CCNY: variants seen among roughly 807,000 people sequenced by gnomAD.
CCNY encodes the protein cyclin Y, also known as cyclin-Y.
CCNY carries 19 observed loss-of-function variants against 42.8 expected under a neutral mutation model. That is an observed-to-expected ratio of 0.44 (90% CI 0.31 to 0.65). The LOEUF (loss-of-function observed/expected upper bound fraction) is 0.65, where lower values mean the gene tolerates loss of function less well. CCNY is among the 30% of genes least tolerant of loss of function. The pLI is 0.07. For missense variants in CCNY, 370 were observed against 437.3 expected (o/e 0.85, Z 1.37); for synonymous variants, 165 against 162.7 (o/e 1.01, Z -0.11).
At chr10:35,337,249 A>G (rs781429027) in intron 1 of CCNY, 42 bp downstream of exon 1, 13 of 1,447,740 alleles carry the variant, frequency 9.0e-6, no homozygotes, top group East Asian at 8.7e-5. Context: ...CCCCGCGGCA[A>G]CAGTCGCACA....
chr10:35,435,245 A>G (rs1838503572), intron 1 of CCNY, among the ~76,000 whole-genome samples: 1 of 152,256 alleles, frequency 6.6e-6, no homozygotes, highest in Non-Finnish European at 1.5e-5. Context: ...CAGTAGCTAC[A>G]GGGTAAGACA....
chr10:35,299,163 C>T (rs550837388), intron 3 of CCNY, among the ~76,000 whole-genome samples: 1 of 152,178 alleles, frequency 6.6e-6, no homozygotes, highest in Non-Finnish European at 1.5e-5. Context: ...TTCAATCCTG[C>T]TGGATTTATT....
At chr10:35,528,547 C>A (rs373293755) in intron 5 of CCNY, among the ~76,000 whole-genome samples, 2 of 152,078 alleles carry the variant, frequency 1.3e-5, no homozygotes, top group Non-Finnish European at 2.9e-5. Flanking sequence ...ACTAAAAATA[C>A]AAAAATCAGC....
At chr10:35,378,843 A>T (rs1837112589) in intron 1 of CCNY, among the ~76,000 whole-genome samples, 1 of 152,088 alleles carries the variant, frequency 6.6e-6, no homozygotes, top group African/African-American at 2.4e-5. Flanking sequence ...CTGGTTAGTT[A>T]GGGGTGGAAT....
intron 1 of CCNY, chr10:35,434,090 T>A (rs948970672): frequency 2.1e-4 from 32 of 152,210 alleles, no homozygotes; most frequent in African/African-American, 7.5e-4. Flanking sequence ...GAAAATAATC[T>A]TCTATTAATT....
In CCNY at chr10:35,471,743, G is replaced by A. The variant is rs371852742; in HGVS notation, c.155-11661G>A. 6.6e-5 allele frequency among the ~76,000 whole-genome samples: 10 copies of A among 152,294 alleles called. No individual in the cohort carries two copies. In the East Asian group the frequency reaches 1.5e-3, roughly 23 times the overall value. On this transcript the variant is annotated intron_variant, in intron 1 of 9. Coordinates refer to ENST00000374704, the MANE Select transcript of CCNY (RefSeq NM_145012.6). Reference sequence around the variant, plus strand: ...ACCATTCTTTGAATATTTTAATTCAGCTGTGTGTCTTAATAGGTATCAACA... The same window carrying A: ...ACCATTCTTTGAATATTTTAATTCAACTGTGTGTCTTAATAGGTATCAACA...
intron 1 of CCNY, among the ~76,000 whole-genome samples, chr10:35,337,951 G>T (rs1466325123): frequency 6.6e-6 from 1 of 152,156 alleles, no homozygotes; most frequent in Non-Finnish European, 1.5e-5. Context: ...ATTACTGCAC[G>T]CAGTAATGTT....
chr10:35,536,569 G>A (rs1840891140), intron 7 of CCNY, among the ~76,000 whole-genome samples: 1 of 152,174 alleles, frequency 6.6e-6, no homozygotes, highest in African/African-American at 2.4e-5. Flanking sequence ...AGTGGTGATA[G>A]CGATATGGAC....
At chr10:35,522,571 T>C (rs566641934) in intron 4 of CCNY, among the ~76,000 whole-genome samples, 1 of 152,202 alleles carries the variant, frequency 6.6e-6, no homozygotes, top group African/African-American at 2.4e-5. Context: ...ATAGATTGTA[T>C]AGATACACGT....
intron 1 of CCNY, among the ~76,000 whole-genome samples, chr10:35,459,355 A>G (rs1480600534): frequency 1.3e-5 from 2 of 152,136 alleles, no homozygotes; most frequent in Non-Finnish European, 2.9e-5. Context: ...GCCCAACACA[A>G]ATTTGTAAAC....
intron 3 of CCNY, among the ~76,000 whole-genome samples, chr10:35,278,677 G>C (rs1835265767): frequency 6.6e-6 from 1 of 152,284 alleles, no homozygotes; most frequent in Non-Finnish European, 1.5e-5. Flanking sequence ...CTCTGGAGCT[G>C]GGCTGGAGAT....
intron 1 of CCNY, among the ~76,000 whole-genome samples, chr10:35,366,610 G>C (rs1356991526): frequency 2.6e-5 from 4 of 152,244 alleles, no homozygotes; most frequent in Admixed American, 6.5e-5. Context: ...GTAGCTGAGT[G>C]TGGACATTCA....
At chr10:35,407,688 C>A (rs1158922430) in intron 1 of CCNY, among the ~76,000 whole-genome samples, 1 of 151,966 alleles carries the variant, frequency 6.6e-6, no homozygotes, top group East Asian at 1.9e-4. Context: ...GTTTTAAGTT[C>A]TTGAGAACAC....
intron 1 of CCNY, among the ~76,000 whole-genome samples, chr10:35,444,348 A>G (rs911954055): frequency 2.0e-5 from 3 of 151,540 alleles, no homozygotes; most frequent in African/African-American, 7.3e-5. Flanking sequence ...CCCGGGTTCA[A>G]GCTATTCTCC....
At chr10:35,411,967 T>G (rs913789428) in intron 1 of CCNY, among the ~76,000 whole-genome samples, 2 of 152,230 alleles carry the variant, frequency 1.3e-5, no homozygotes, top group African/African-American at 4.8e-5. Context: ...GCAGGTGAAC[T>G]GTGGCTCTGC....
chr10:35,376,371 G>C (rs895719460), intron 1 of CCNY, among the ~76,000 whole-genome samples: 1 of 152,170 alleles, frequency 6.6e-6, no homozygotes, highest in Non-Finnish European at 1.5e-5. Flanking sequence ...AATGTACACA[G>C]CATTATTGGT....
chr10:35,569,281 C>A lies in CCNY; in HGVS notation c.*111C>A. ...TTTTTTCTTTCCTTTTCTTTTTTTA[C>A]GCATAGCTCCGTCAAGCTGCCTGGA... is the stretch of plus-strand genomic sequence containing the variant. On this transcript the variant is annotated 3_prime_UTR_variant, in exon 10 of 10. Coordinates refer to ENST00000374704, the MANE Select transcript of CCNY (RefSeq NM_145012.6). 1 of 700,830 alleles carries A rather than the reference C, an allele frequency of 1.4e-6. No homozygotes were observed. The highest frequency in any genetic ancestry group is 2.5e-6 in the Non-Finnish European group (1 of 399,254). 43.4% of individuals were successfully genotyped at this position (700,830 alleles called of 1,614,324 possible). A position where few individuals can be genotyped will look rare whatever the true frequency, so the allele number is the denominator to read the frequency against.
intron 1 of CCNY, among the ~76,000 whole-genome samples, chr10:35,445,156 C>T (rs1838763236): frequency 6.6e-6 from 1 of 151,918 alleles, no homozygotes; most frequent in South Asian, 2.1e-4. Context: ...GAGGAGTGTC[C>T]CTTAAAAGGT....
chr10:35,498,729 A>G (rs544851130), intron 2 of CCNY, among the ~76,000 whole-genome samples: 74 of 152,314 alleles, frequency 4.9e-4, no homozygotes, highest in Non-Finnish European at 9.6e-4. Flanking sequence ...CAAGTCGGCC[A>G]TAGAGATGCA....
Sources: gnomAD v4.1 joint callset for allele counts (sites outside exome capture counted in the v4.1 genomes callset) on GRCh38, gnomAD v4.1.1 for gene constraint, MANE v1.5 for transcripts, NCBI Gene and HGNC (gene_info 2026-07-23, HGNC 2026-07-21) for gene names.